The following MFHAS1 variants were observed in gnomAD, a reference collection of about 807,000 sequenced individuals.
The protein encoded by MFHAS1 is malignant fibrous histiocytoma-amplified sequence 1.
Under a neutral mutation model 70.4 loss-of-function variants are expected in MFHAS1, and 50 were observed. The observed-to-expected ratio is 0.71, with a 90% confidence interval of 0.57 to 0.90. MFHAS1 has a LOEUF of 0.90. Among genes scored for constraint, MFHAS1 ranks in the 40% least tolerant of loss-of-function variants. The pLI, the probability that MFHAS1 is intolerant of heterozygous loss-of-function variation, is 0.00. For synonymous variants in MFHAS1, 952 were observed against 620.0 expected, an observed-to-expected ratio of 1.54 and a Z score of -7.96; for missense variants, 1,795 against 1,347.6, an observed-to-expected ratio of 1.33 and a Z score of -5.20.
At chr8:8,887,852 A>C (rs1457480668) in intron 1 of MFHAS1, among the ~76,000 whole-genome samples, 2 of 141,136 alleles carry the variant, frequency 1.4e-5, no homozygotes, top group East Asian at 3.9e-4. Flanking sequence ...GACGTTAGCA[A>C]AAAAAACAAA....
intron 1 of MFHAS1, among the ~76,000 whole-genome samples, chr8:8,857,770 C>T (rs1459860713): frequency 6.7e-6 from 1 of 149,932 alleles, no homozygotes; most frequent in South Asian, 2.1e-4. Context: ...AAAAAAAAAA[C>T]AAAAAAAAAT....
At chr8:8,845,895 C>A (rs1353705074) in intron 1 of MFHAS1, among the ~76,000 whole-genome samples, 7 of 152,056 alleles carry the variant, frequency 4.6e-5, no homozygotes, top group Non-Finnish European at 7.4e-5. Flanking sequence ...TTTGTCTTTA[C>A]CTCTTTCTCT....
chr8:8,855,832 G>C (rs371312627), intron 1 of MFHAS1, among the ~76,000 whole-genome samples: 1 of 152,120 alleles, frequency 6.6e-6, no homozygotes, highest in African/African-American at 2.4e-5. Flanking sequence ...CTCCAGCTTC[G>C]GCAACAGAGT....
At chr8:8,838,532 G>T (rs1807688958) in intron 1 of MFHAS1, among the ~76,000 whole-genome samples, 1 of 152,164 alleles carries the variant, frequency 6.6e-6, no homozygotes, top group African/African-American at 2.4e-5. Context: ...CCATATATCA[G>T]CTGGGCACGT....
chr8:8,831,352 T>C (rs529677961), intron 1 of MFHAS1, among the ~76,000 whole-genome samples: 7 of 152,298 alleles, frequency 4.6e-5, no homozygotes, highest in East Asian at 3.9e-4. Flanking sequence ...ATTTTTCCAA[T>C]ATGAGTAGAA....
chr8:8,879,753 C>G (rs574867738), intron 1 of MFHAS1, among the ~76,000 whole-genome samples: 36 of 152,252 alleles, frequency 2.4e-4, no homozygotes, highest in Non-Finnish European at 3.1e-4. Flanking sequence ...ACACAGCTCC[C>G]CAAGCCCAAG....
At chr8:8,825,421 C>A (rs973491914) in intron 1 of MFHAS1, among the ~76,000 whole-genome samples, 1 of 152,206 alleles carries the variant, frequency 6.6e-6, no homozygotes, top group South Asian at 2.1e-4. Flanking sequence ...GATCCATCTG[C>A]CTCAGCCTCC....
chr8:8,786,430 C>A (rs1451598646), intron 2 of MFHAS1, among the ~76,000 whole-genome samples: 1 of 152,166 alleles, frequency 6.6e-6, no homozygotes, highest in Non-Finnish European at 1.5e-5. Flanking sequence ...CGGTCACACG[C>A]AGACACACAC....
rs1260069962 is a variant in MFHAS1 at position 8,881,932 on chromosome 8, T to C, written c.2998+8129A>G. ...GGCTTTCTGTGGCCAGCTCCTGCATTAAATGCACATTTGCATCCTGCTGCT... is the reference window on the plus strand; with the variant it reads ...GGCTTTCTGTGGCCAGCTCCTGCATCAAATGCACATTTGCATCCTGCTGCT... On this transcript the variant is annotated intron_variant, in intron 1 of 2. Coordinates refer to ENST00000276282, the MANE Select transcript of MFHAS1 (RefSeq NM_004225.3). Among the ~76,000 whole-genome samples the C allele has an allele frequency of 5.9e-5, 9 of 152,148 alleles. No individual in the cohort carries two copies. The East Asian group carries it at 1.7e-3, about 29-fold the overall frequency.
rs557824055 is a variant in MFHAS1 at position 8,890,555 on chromosome 8, T to A, written c.2504A>T (p.Lys835Ile). 3 of 1,613,502 alleles carry A rather than the reference T, an allele frequency of 1.9e-6. No individual in the cohort carries two copies. In the African/African-American group the frequency reaches 4.0e-5, roughly 21 times the overall value. The change falls in exon 1 of 3, where the codon AAA becomes ATA. Residue 835 changes from lysine (K) to isoleucine (I), a missense_variant. Transcript: ENST00000276282. ...CCCATTCAAAGGCTTGCCCTTGGGT[T>A]TATTGAGGCAGTAACAGAGTCCCAT... ...EKMGLCYCLN[K>I]PKGKPLNGST...
intron 1 of MFHAS1, among the ~76,000 whole-genome samples, chr8:8,830,460 C>G (rs1032409613): frequency 1.5e-4 from 23 of 152,164 alleles, no homozygotes; most frequent in Non-Finnish European, 4.4e-5. Context: ...CACTCATAAT[C>G]CATCTAAAAT....
intron 1 of MFHAS1, among the ~76,000 whole-genome samples, chr8:8,836,762 G>C (rs1264745605): frequency 6.6e-6 from 1 of 152,202 alleles, no homozygotes; most frequent in African/African-American, 2.4e-5. Flanking sequence ...AAATGAAGTA[G>C]AGCTAGATAA....
At chr8:8,812,910 G>C (rs563316733) in intron 1 of MFHAS1, among the ~76,000 whole-genome samples, 1 of 152,258 alleles carries the variant, frequency 6.6e-6, no homozygotes, top group South Asian at 2.1e-4. Flanking sequence ...GGGGTTACAG[G>C]CGTGCACCAC....
At chr8:8,876,503 G>C (rs746008524) in intron 1 of MFHAS1, among the ~76,000 whole-genome samples, 1 of 152,018 alleles carries the variant, frequency 6.6e-6, no homozygotes, top group African/African-American at 2.4e-5. Context: ...GGGAGGATGA[G>C]GCAGGCAGAC....
chr8:8,841,048 T>C (rs1386732658), intron 1 of MFHAS1, among the ~76,000 whole-genome samples: 1 of 152,100 alleles, frequency 6.6e-6, no homozygotes, highest in Non-Finnish European at 1.5e-5. Context: ...CTTAAATAAG[T>C]AAAAAATAAT....
At position 8,890,464 on chromosome 8, in the gene MFHAS1, A is replaced by G. The variant is rs1478291913; in HGVS notation, c.2595T>C (p.Ile865=). ...ACTGCCCAGCTAGGTTGGTCCCATTAATCCAGGCTTCTGCATGGGGCACCT... is the reference window on the plus strand; with the variant it reads ...ACTGCCCAGCTAGGTTGGTCCCATTGATCCAGGCTTCTGCATGGGGCACCT... ...QNEVPHAEAW[I]NGTNLAGQSF... The change falls in exon 1 of 3, where the codon ATT becomes ATC. Residue 865 remains isoleucine (I), a synonymous_variant. Transcript: ENST00000276282. 1.2e-6 allele frequency: 2 copies of G among 1,613,944 alleles called. No individual in the cohort carries two copies. Among genetic ancestry groups the G allele is most frequent in the Admixed American group, 1.7e-5 (1 of 60,018 alleles).
At chr8:8,790,783 C>T (rs1805694430) in intron 2 of MFHAS1, among the ~76,000 whole-genome samples, 2 of 152,108 alleles carry the variant, frequency 1.3e-5, no homozygotes, top group Admixed American at 1.3e-4. Flanking sequence ...GCATACGTGG[C>T]CTGTTTATTT....
chr8:8,806,412 TTAA>T (rs2117274163), intron 1 of MFHAS1, among the ~76,000 whole-genome samples: 1 of 152,284 alleles, frequency 6.6e-6, no homozygotes, highest in Admixed American at 6.5e-5. Flanking sequence ...GTGGCATGCA[TTAA>T]TATTTGGAGA....
chr8:8,789,942 C>T (rs1340730498), intron 2 of MFHAS1, among the ~76,000 whole-genome samples: 1 of 152,180 alleles, frequency 6.6e-6, no homozygotes, highest in African/African-American at 2.4e-5. Flanking sequence ...TTCCTCCCCT[C>T]TCCCCTCCTG....
Sources: gnomAD v4.1 joint callset for allele counts (sites outside exome capture counted in the v4.1 genomes callset) on GRCh38, gnomAD v4.1.1 for gene constraint, MANE v1.5 for transcripts, NCBI Gene and HGNC (gene_info 2026-07-23, HGNC 2026-07-21) for gene names.